Variants in NINJ2 observed in about 807,000 individuals in gnomAD.
The protein encoded by NINJ2 is ninjurin-2.
Under a neutral mutation model 11.7 loss-of-function variants are expected in NINJ2, and 12 were observed. That is an observed-to-expected ratio of 1.02 (90% CI 0.66 to 1.66). NINJ2 has a LOEUF of 1.66. NINJ2 is among the 40% of genes most tolerant of loss of function. The probability of loss-of-function intolerance (pLI) is 0.00; values close to 1 mark genes in which losing one functional copy is unlikely to be tolerated. For synonymous variants in NINJ2, 93 were observed against 76.8 expected (o/e 1.21, Z -1.10); for missense variants, 187 against 181.8 (o/e 1.03, Z -0.16).
intron 1 of NINJ2, among the ~76,000 whole-genome samples, chr12:577,697 A>C (rs547529641): frequency 6.6e-6 from 1 of 151,626 alleles, no homozygotes; most frequent in South Asian, 2.1e-4. Flanking sequence ...CAGCAACATC[A>C]CCTGAAAACT....
chr12:595,522 C>A (rs1284947219), intron 1 of NINJ2, among the ~76,000 whole-genome samples: 1 of 152,144 alleles, frequency 6.6e-6, no homozygotes, highest in African/African-American at 2.4e-5. Flanking sequence ...CGACTGTAAT[C>A]CCAGCACTTT....
intron 1 of NINJ2, among the ~76,000 whole-genome samples, chr12:654,113 T>C (rs1937835093): frequency 6.6e-6 from 1 of 152,136 alleles, no homozygotes; most frequent in Admixed American, 6.6e-5. Flanking sequence ...GAGGATTGCT[T>C]GTGCCAAGGC....
chr12:570,612 C>T (rs962091239), intron 1 of NINJ2, among the ~76,000 whole-genome samples: 1 of 152,208 alleles, frequency 6.6e-6, no homozygotes, highest in African/African-American at 2.4e-5. Flanking sequence ...GGAGCAGAGC[C>T]ACCCAGCATG....
chr12:586,825 T>C (rs1375308356), intron 1 of NINJ2, among the ~76,000 whole-genome samples: 2 of 152,138 alleles, frequency 1.3e-5, no homozygotes, highest in Non-Finnish European at 2.9e-5. Flanking sequence ...GGTGTGGGGA[T>C]CCCTCTGCAG....
intron 1 of NINJ2, among the ~76,000 whole-genome samples, chr12:631,228 G>A (rs1592107743): frequency 6.6e-6 from 1 of 152,204 alleles, no homozygotes; most frequent in South Asian, 2.1e-4. Flanking sequence ...CGTTCTGAAG[G>A]AAAAGCAAAC....
chr12:634,623 C>T (rs1948325935), intron 1 of NINJ2, among the ~76,000 whole-genome samples: 1 of 152,130 alleles, frequency 6.6e-6, no homozygotes, highest in South Asian at 2.1e-4. Context: ...TCCTCCCAAT[C>T]CTGACTTGCA....
At chr12:577,230 TGTTAGATGATGTTGCCCAG>T (rs1947472719) in intron 1 of NINJ2, among the ~76,000 whole-genome samples, 1 of 151,694 alleles carries the variant, frequency 6.6e-6, no homozygotes, top group Non-Finnish European at 1.5e-5. Context: ...GTAGGCTTTG[TGTTAGATGATGTTGCCCAG>T]CAGTAGGCTG....
At position 629,896 on chromosome 12, in the gene NINJ2, A is replaced by AAAAATAT; in HGVS notation, c.33+33431_33+33432insATATTTT. ...GAGCAAAACTCAAAAAAAAAAAAAAAATATATATATATATATATATATATA... is the reference window on the plus strand; with the variant it reads ...GAGCAAAACTCAAAAAAAAAAAAAAAAAAATATATATATATATATATATATATATATA... On this transcript the variant is annotated intron_variant, in intron 1 of 3. Transcript: ENST00000305108. 3.9e-3 allele frequency among the ~76,000 whole-genome samples: 39 copies of AAAAATAT among 9,900 alleles called. 1 individual carries two copies. Among genetic ancestry groups the AAAAATAT allele is most frequent in the African/African-American group, 5.5e-3 (38 of 6,888 alleles). 6.5% of individuals were successfully genotyped at this position (9,900 alleles called of 152,430 possible). A position where few individuals can be genotyped will look rare whatever the true frequency, so the allele number is the denominator to read the frequency against.
chr12:649,088 C>T lies in NINJ2; in HGVS notation c.33+14240G>A, dbSNP rs1937744392. Among the ~76,000 whole-genome samples, 3 of 151,422 alleles carry T rather than the reference C, an allele frequency of 2.0e-5. No homozygotes were observed. The South Asian group carries it at 6.2e-4, about 31-fold the overall frequency. On this transcript the variant is annotated intron_variant, in intron 1 of 3. Coordinates refer to ENST00000305108, the MANE Select transcript of NINJ2 (RefSeq NM_016533.6). ...TTTTTCGAGACGGAGTCTCTGTCGC[C>T]CAGGCTGGACTGCAGTGGCGCGATC...
intron 2 of NINJ2, 50 bp downstream of exon 2, chr12:565,900 C>T (rs369069650): frequency 1.3e-6 from 2 of 1,556,592 alleles, no homozygotes; most frequent in Non-Finnish European, 1.8e-6. Context: ...GCCTTTCTGC[C>T]AGCCACGGGT....
At chr12:655,632 G>A (rs1231215836) in intron 1 of NINJ2, among the ~76,000 whole-genome samples, 1 of 152,212 alleles carries the variant, frequency 6.6e-6, no homozygotes, top group Non-Finnish European at 1.5e-5. Context: ...AAATGAAGGG[G>A]ACAAGCGCGG....
chr12:642,514 C>T lies in NINJ2; in HGVS notation c.33+20814G>A, dbSNP rs1948432454. 2.0e-5 allele frequency among the ~76,000 whole-genome samples: 3 copies of T among 152,372 alleles called. No individual in the cohort carries two copies. The South Asian group carries it at 6.2e-4, about 32-fold the overall frequency. On this transcript the variant is annotated intron_variant, in intron 1 of 3. Coordinates refer to ENST00000305108, the MANE Select transcript of NINJ2 (RefSeq NM_016533.6). Reference sequence around the variant, plus strand: ...AAGTGCTGGAATTACCGGCGTGAGCCACCGCGCCCGGCGCTATTATTATTA... The same window carrying T: ...AAGTGCTGGAATTACCGGCGTGAGCTACCGCGCCCGGCGCTATTATTATTA...
chr12:627,319 C>T (rs1205612099), intron 1 of NINJ2, among the ~76,000 whole-genome samples: 1 of 152,196 alleles, frequency 6.6e-6, no homozygotes, highest in African/African-American at 2.4e-5. Context: ...GATGCCCCAA[C>T]AGCCACCCTC....
chr12:638,493 A>G (rs887221229), intron 1 of NINJ2, among the ~76,000 whole-genome samples: 21 of 152,136 alleles, frequency 1.4e-4, no homozygotes, highest in Non-Finnish European at 2.5e-4. Context: ...TCGGCTCACT[A>G]CAAGCTCCGC....
intron 1 of NINJ2, chr12:610,678 T>C (rs974377036): frequency 1.0e-6 from 1 of 976,200 alleles, no homozygotes; most frequent in African/African-American, 1.8e-5. Flanking sequence ...CTCAACCTTG[T>C]TTAGCAGAAC....
chr12:627,640 C>T (rs1227201234), intron 1 of NINJ2, among the ~76,000 whole-genome samples: 2 of 152,252 alleles, frequency 1.3e-5, no homozygotes, highest in Non-Finnish European at 2.9e-5. Context: ...ACTGCACACA[C>T]ATTAAGGGTG....
intron 1 of NINJ2, among the ~76,000 whole-genome samples, chr12:659,132 C>T (rs920564036): frequency 2.0e-5 from 3 of 151,244 alleles, no homozygotes; most frequent in Admixed American, 6.6e-5. Flanking sequence ...CAAAAACACT[C>T]CCAGAGTACT....
intron 1 of NINJ2, among the ~76,000 whole-genome samples, chr12:638,838 C>A (rs1948386575): frequency 6.6e-6 from 1 of 152,202 alleles, no homozygotes; most frequent in Non-Finnish European, 1.5e-5. Flanking sequence ...CATGCTCCAC[C>A]CTGCTTTAGC....
rs184825383 is a variant in NINJ2 at position 592,720 on chromosome 12, A to G, written c.34-26542T>C. Among the ~76,000 whole-genome samples the G allele has an allele frequency of 8.5e-5, 13 of 152,326 alleles. No homozygotes were observed. The East Asian group carries it at 1.7e-3, about 20-fold the overall frequency. On this transcript the variant is annotated intron_variant, in intron 1 of 3. Coordinates refer to ENST00000305108, the MANE Select transcript of NINJ2 (RefSeq NM_016533.6). Reference sequence around the variant, plus strand: ...CATCTCAAAATTTAAAAAAAAATCAATTACAAATTATTTGGTTAGTTGTAA... The same window carrying G: ...CATCTCAAAATTTAAAAAAAAATCAGTTACAAATTATTTGGTTAGTTGTAA...
Sources: gnomAD v4.1 joint callset for allele counts (sites outside exome capture counted in the v4.1 genomes callset) on GRCh38, gnomAD v4.1.1 for gene constraint, MANE v1.5 for transcripts, NCBI Gene and HGNC (gene_info 2026-07-23, HGNC 2026-07-21) for gene names.